The following SDK1 variants were observed in gnomAD, a reference collection of about 807,000 sequenced individuals.
SDK1 encodes the protein protein sidekick-1.
SDK1 carries 157 observed loss-of-function variants against 245.5 expected under a neutral mutation model. The observed-to-expected ratio is 0.64, with a 90% CI of 0.56 to 0.73. The LOEUF is 0.73. SDK1 is among the 30% of genes least tolerant of loss of function. The pLI is 0.00. For synonymous variants in SDK1, 1,647 were observed against 1,278.5 expected, an observed-to-expected ratio of 1.29 and a Z score of -6.15; for missense variants, 3,583 against 3,002.3, an observed-to-expected ratio of 1.19 and a Z score of -4.52.
intron 22 of SDK1, among the ~76,000 whole-genome samples, chr7:4,095,042 C>T (rs1303505675): frequency 6.6e-6 from 1 of 152,212 alleles, no homozygotes; most frequent in Non-Finnish European, 1.5e-5. Context: ...GTGTGACTTC[C>T]TCCAGGCTCC....
At chr7:3,400,489 C>T (rs1778860074) in intron 1 of SDK1, among the ~76,000 whole-genome samples, 1 of 152,078 alleles carries the variant, frequency 6.6e-6, no homozygotes, top group South Asian at 2.1e-4. Flanking sequence ...ACAGCCTTTA[C>T]CCATTTTATC....
chr7:3,770,644 C>T (rs1195606817), intron 4 of SDK1, among the ~76,000 whole-genome samples: 1 of 152,116 alleles, frequency 6.6e-6, no homozygotes, highest in Admixed American at 6.5e-5. Flanking sequence ...TGTGGCTGCC[C>T]AGCTGCCTTG....
In SDK1 at chr7:3,856,329, TA is replaced by T. The variant is rs374276401; in HGVS notation, c.847+34752del. Among the ~76,000 whole-genome samples, 1,028 of 151,838 alleles carry T rather than the reference TA, an allele frequency of 6.8e-3. 10 individuals carry two copies. The highest frequency in any genetic ancestry group is 0.023 in the African/African-American group (961 of 41,440). On this transcript the variant is annotated intron_variant, in intron 5 of 44. Transcript: ENST00000404826. ...CAAGAAAATATATGAAAAGAGGGTT[TA>T]AAAAATGAAACAACCTAGAATTTTG...
chr7:4,164,304 G>A (rs552197493), intron 32 of SDK1, among the ~76,000 whole-genome samples: 9 of 152,326 alleles, frequency 5.9e-5, no homozygotes, highest in Admixed American at 3.3e-4. Context: ...GTGGCCCTGA[G>A]AGGCCCCTCT....
In SDK1 at chr7:3,734,471, T is replaced by TC. The variant is rs570213795; in HGVS notation, c.714-86977dup. Among the ~76,000 whole-genome samples the TC allele has an allele frequency of 4.8e-3, 737 of 152,360 alleles. 6 individuals are homozygous for TC. The highest frequency in any genetic ancestry group is 0.017 in the African/African-American group (699 of 41,580). On this transcript the variant is annotated intron_variant, in intron 4 of 44. Coordinates refer to ENST00000404826, the MANE Select transcript of SDK1 (RefSeq NM_152744.4). Reference sequence around the variant, plus strand: ...CACTTATAGATGGTGTTAAGAATGATCCTTGAAAAGGGATGTACTTTAGTA... The same window carrying TC: ...CACTTATAGATGGTGTTAAGAATGATCCCTTGAAAAGGGATGTACTTTAGTA...
intron 4 of SDK1, among the ~76,000 whole-genome samples, chr7:3,661,200 T>TATAC (rs1321129641): frequency 5.2e-4 from 79 of 152,384 alleles, no homozygotes; most frequent in African/African-American, 1.8e-3. Flanking sequence ...ACTAATTGAC[T>TATAC]ATACATAACT....
chr7:3,885,613 C>G (rs987275028), intron 5 of SDK1, among the ~76,000 whole-genome samples: 63 of 152,126 alleles, frequency 4.1e-4, no homozygotes, highest in African/African-American at 1.3e-3. Flanking sequence ...GGGAGAATTT[C>G]GTGTGTCTCT....
intron 1 of SDK1, chr7:3,338,479 A>G: frequency 2.0e-6 from 1 of 506,332 alleles, no homozygotes; most frequent in Non-Finnish European, 3.8e-6. Context: ...GAAGGAAGCC[A>G]AAGAGAAATG....
intron 1 of SDK1, among the ~76,000 whole-genome samples, chr7:3,385,158 C>A (rs1034959789): frequency 4.6e-5 from 7 of 152,178 alleles, no homozygotes; most frequent in African/African-American, 1.7e-4. Flanking sequence ...TTTCCACTCA[C>A]GTCATCTTAG....
chr7:4,249,049 C>T (rs1261981856), intron 44 of SDK1, among the ~76,000 whole-genome samples: 2 of 152,016 alleles, frequency 1.3e-5, no homozygotes, highest in African/African-American at 4.8e-5. Context: ...GCATATACAC[C>T]TAAATACAAA....
intron 1 of SDK1, among the ~76,000 whole-genome samples, chr7:3,579,763 G>C (rs999667013): frequency 1.3e-5 from 2 of 152,110 alleles, no homozygotes; most frequent in Non-Finnish European, 2.9e-5. Context: ...ATTCCCCAAA[G>C]AGGTAAAAAC....
intron 5 of SDK1, among the ~76,000 whole-genome samples, chr7:3,821,938 T>C (rs1779657236): frequency 6.6e-6 from 1 of 152,236 alleles, no homozygotes; most frequent in South Asian, 2.1e-4. Flanking sequence ...CTAGATTAGA[T>C]ATACATTATA....
At chr7:3,387,899 T>C (rs1199291047) in intron 1 of SDK1, among the ~76,000 whole-genome samples, 1 of 152,214 alleles carries the variant, frequency 6.6e-6, no homozygotes, top group Non-Finnish European at 1.5e-5. Flanking sequence ...TTATAATCCT[T>C]ATTTGACACA....
chr7:3,664,718 C>T (rs2002669), intron 4 of SDK1, among the ~76,000 whole-genome samples: 37,305 of 146,246 alleles, frequency 0.26, 5,016 homozygotes, highest in Non-Finnish European at 0.31. Context: ...CCAGCCTGGG[C>T]AACAGAGCGA....
chr7:4,127,326 T>C, intron 25 of SDK1, 55 bp from the exon 26 acceptor site: 1 of 1,306,196 alleles, frequency 7.7e-7, no homozygotes, highest in Non-Finnish European at 1.1e-6. Context: ...GCTGGATCTT[T>C]GTATGTAGAC....
intron 1 of SDK1, among the ~76,000 whole-genome samples, chr7:3,501,851 A>G (rs1384534242): frequency 6.6e-6 from 1 of 152,142 alleles, no homozygotes; most frequent in Non-Finnish European, 1.5e-5. Context: ...ATGTTCTCTA[A>G]GATTCTGTAT....
intron 1 of SDK1, among the ~76,000 whole-genome samples, chr7:3,455,381 CT>C (rs200085335): frequency 0.11 from 15,348 of 140,594 alleles, 954 homozygotes; most frequent in African/African-American, 0.18. Context: ...ATTTTCTTTC[CT>C]TTTTTTTTTT....
intron 4 of SDK1, among the ~76,000 whole-genome samples, chr7:3,748,468 G>C (rs781079030): frequency 6.6e-6 from 1 of 152,186 alleles, no homozygotes; most frequent in Non-Finnish European, 1.5e-5. Flanking sequence ...ATGGCGAGTA[G>C]TCAGGTCCAG....
At chr7:3,485,287 C>T (rs549714869) in intron 1 of SDK1, among the ~76,000 whole-genome samples, 1 of 152,210 alleles carries the variant, frequency 6.6e-6, no homozygotes, top group African/African-American at 2.4e-5. Context: ...ACGTGGTGGC[C>T]ATTTGCAGGT....
Sources: gnomAD v4.1 joint callset for allele counts (sites outside exome capture counted in the v4.1 genomes callset) on GRCh38, gnomAD v4.1.1 for gene constraint, MANE v1.5 for transcripts, NCBI Gene and HGNC (gene_info 2026-07-23, HGNC 2026-07-21) for gene names.